The following AVL9 variants were observed in gnomAD, a reference collection of about 807,000 sequenced individuals.
AVL9 encodes AVL9 cell migration associated.
In AVL9, 49 loss-of-function variants were observed where a neutral mutation model predicts 79.2. That is an observed-to-expected ratio of 0.62 (90% CI 0.49 to 0.79). The LOEUF (loss-of-function observed/expected upper bound fraction) is 0.79, where lower values mean the gene tolerates loss of function less well. Among genes scored for constraint, AVL9 ranks in the 30% least tolerant of loss-of-function variants. The pLI is 0.00. For synonymous variants in AVL9, 299 were observed against 280.6 expected (o/e 1.07, Z -0.65); for missense variants, 682 against 776.8 (o/e 0.88, Z 1.45).
intron 8 of AVL9, among the ~76,000 whole-genome samples, chr7:32,558,318 C>G (rs1025492545): frequency 6.7e-6 from 1 of 148,294 alleles, no homozygotes; most frequent in Non-Finnish European, 1.5e-5. Context: ...CCACCATGCC[C>G]GGCTAAGTTT....
At position 32,495,738 on chromosome 7, in the gene AVL9, G is replaced by T. The variant is rs1786766653; in HGVS notation, c.29G>T (p.Gly10Val). 1 of 1,260,800 alleles carries T rather than the reference G, an allele frequency of 7.9e-7. No individual in the cohort carries two copies. Among genetic ancestry groups the T allele is most frequent in the East Asian group, 3.1e-5 (1 of 31,764 alleles). The allele number at this position is 1,260,800 out of a possible 1,614,324, so 78.1% of individuals were successfully genotyped here. A position where few individuals can be genotyped will look rare whatever the true frequency, so the allele number is the denominator to read the frequency against. ...GAGAAGGCCAGGAGAGGCGGGGATG[G>T]CGTCCCCCGGGGGCCCGTACTGCAC... MEKARRGGDGVPRGPVLHIV... is the reference protein window; with the variant it reads MEKARRGGDVVPRGPVLHIV... The change falls in exon 1 of 16, where the codon GGC becomes GTC. Residue 10 changes from glycine (G) to valine (V), a missense_variant. Physicochemically the swap from Gly to Val is moderately radical, Grantham distance 109. Coordinates refer to ENST00000318709, the MANE Select transcript of AVL9 (RefSeq NM_015060.3).
intron 8 of AVL9, among the ~76,000 whole-genome samples, chr7:32,556,267 C>G (rs1790048700): frequency 6.6e-6 from 1 of 152,098 alleles, no homozygotes; most frequent in Admixed American, 6.5e-5. Flanking sequence ...GTAATCTCAG[C>G]ACTTTGGGAG....
At chr7:32,575,906 C>A in intron 12 of AVL9, 49 bp from the exon 13 acceptor site, 1 of 1,340,992 alleles carries the variant, frequency 7.5e-7, no homozygotes, top group South Asian at 1.2e-5. Context: ...CTTCACATCC[C>A]TGAATGGCTA....
At chr7:32,507,501 A>G (rs1366444289) in intron 1 of AVL9, among the ~76,000 whole-genome samples, 1 of 152,298 alleles carries the variant, frequency 6.6e-6, no homozygotes, top group South Asian at 2.1e-4. Context: ...ATAATCATAT[A>G]TTATGTGTGC....
chr7:32,557,518 G>A (rs988499957), intron 8 of AVL9, among the ~76,000 whole-genome samples: 3 of 152,148 alleles, frequency 2.0e-5, no homozygotes, highest in Non-Finnish European at 2.9e-5. Context: ...TAGTGTTCTA[G>A]GGTGAGATTT....
intron 3 of AVL9, among the ~76,000 whole-genome samples, chr7:32,546,083 T>TTTTTA (rs1554340432): frequency 6.9e-6 from 1 of 144,750 alleles, no homozygotes; most frequent in Non-Finnish European, 1.5e-5. Context: ...TTTTTTTTTT[T>TTTTTA]AAATATCTGT....
chr7:32,517,394 C>T (rs926789756), intron 1 of AVL9, among the ~76,000 whole-genome samples: 26 of 151,308 alleles, frequency 1.7e-4, no homozygotes, highest in African/African-American at 4.9e-4. Context: ...CAAACTCTGT[C>T]GCCTGAGTTC....
At chr7:32,498,829 G>A (rs1236921039) in intron 1 of AVL9, among the ~76,000 whole-genome samples, 1 of 151,284 alleles carries the variant, frequency 6.6e-6, no homozygotes, top group Admixed American at 6.6e-5. Context: ...TATTTAACAA[G>A]GGATAATAAT....
chr7:32,526,953 A>C (rs568932058), intron 1 of AVL9, among the ~76,000 whole-genome samples: 54 of 152,234 alleles, frequency 3.5e-4, no homozygotes, highest in African/African-American at 1.3e-3. Flanking sequence ...CCATCCTCCC[A>C]GTGTGCAGGC....
Position 32,573,370 on chromosome 7 carries a change from C to A in AVL9, c.1522C>A (p.Gln508Lys). 1 of 1,613,824 alleles carries A rather than the reference C, an allele frequency of 6.2e-7. No individual in the cohort carries two copies. ...WEGGDEWIRAQFAVYIHALLA... is the reference protein window; with the variant it reads ...WEGGDEWIRAKFAVYIHALLA... Reference sequence around the variant, plus strand: ...GGGAGGTGACGAATGGATCCGGGCCCAGTTTGCGGTCTACATTCATGCCCT... The same window carrying A: ...GGGAGGTGACGAATGGATCCGGGCCAAGTTTGCGGTCTACATTCATGCCCT... The change falls in exon 12 of 16, where the codon CAG becomes AAG. Residue 508 changes from glutamine to lysine, a missense_variant. Physicochemically the swap from Gln to Lys is moderately conservative, Grantham distance 53 (BLOSUM62 1). Transcript: ENST00000318709.
chr7:32,549,599 G>A (rs978787703), intron 4 of AVL9, among the ~76,000 whole-genome samples: 1 of 151,840 alleles, frequency 6.6e-6, no homozygotes, highest in African/African-American at 2.4e-5. Flanking sequence ...TTATACATAA[G>A]GCAAGAATAG....
At chr7:32,541,010 T>G (rs1012969500) in intron 1 of AVL9, among the ~76,000 whole-genome samples, 2 of 148,130 alleles carry the variant, frequency 1.4e-5, no homozygotes, top group Non-Finnish European at 3.0e-5. Flanking sequence ...GCCATTCTCC[T>G]CCTGCCTCAG....
chr7:32,524,525 G>A (rs1332681887), intron 1 of AVL9, among the ~76,000 whole-genome samples: 1 of 49,372 alleles, frequency 2.0e-5, no homozygotes, highest in Non-Finnish European at 3.9e-5. Flanking sequence ...GTGGGAGGGA[G>A]AAATACACAC....
At chr7:32,574,459 A>G (rs916814131) in intron 12 of AVL9, among the ~76,000 whole-genome samples, 2 of 152,224 alleles carry the variant, frequency 1.3e-5, no homozygotes, top group Non-Finnish European at 2.9e-5. Flanking sequence ...ATCTAGAAAG[A>G]AAACTTCAGT....
intron 8 of AVL9, among the ~76,000 whole-genome samples, chr7:32,555,424 C>T (rs1227340725): frequency 1.3e-5 from 2 of 152,184 alleles, no homozygotes; most frequent in African/African-American, 4.8e-5. Flanking sequence ...CTCCTGTGGC[C>T]AAATACATGT....
chr7:32,544,003 C>T (rs909631233), intron 2 of AVL9, among the ~76,000 whole-genome samples: 8 of 151,826 alleles, frequency 5.3e-5, no homozygotes, highest in African/African-American at 1.2e-4. Flanking sequence ...AAGCAGTTCT[C>T]CTACCCCAGC....
At chr7:32,557,591 GGT>G (rs1054436821) in intron 8 of AVL9, among the ~76,000 whole-genome samples, 17 of 152,256 alleles carry the variant, frequency 1.1e-4, no homozygotes, top group African/African-American at 3.6e-4. Context: ...CACAGGTAGT[GGT>G]GTGTCTCTGT....
At chr7:32,527,526 G>T (rs1248285605) in intron 1 of AVL9, among the ~76,000 whole-genome samples, 2 of 148,370 alleles carry the variant, frequency 1.3e-5, no homozygotes, top group Non-Finnish European at 3.0e-5. Context: ...TGGTTTTTTT[G>T]ATTGTTGGCT....
intron 10 of AVL9, among the ~76,000 whole-genome samples, chr7:32,565,804 T>G (rs1489882654): frequency 6.6e-6 from 1 of 151,936 alleles, no homozygotes; most frequent in East Asian, 1.9e-4. Context: ...GGTCAAGAGA[T>G]CAAGACCATC....
Sources: gnomAD v4.1 joint callset for allele counts (sites outside exome capture counted in the v4.1 genomes callset) on GRCh38, gnomAD v4.1.1 for gene constraint, MANE v1.5 for transcripts, NCBI Gene and HGNC (gene_info 2026-07-23, HGNC 2026-07-21) for gene names.